Variants in VPS13B observed in about 807,000 individuals in gnomAD.
VPS13B encodes the protein vacuolar protein sorting 13 homolog B, also known as intermembrane lipid transfer protein VPS13B.
A neutral mutation model predicts 426.4 loss-of-function variants in VPS13B; 285 were observed. The ratio of observed to expected loss-of-function variants is 0.67; its 90% CI spans 0.61 to 0.74. The LOEUF is 0.74. Ranked by LOEUF, VPS13B falls within the 30% of genes least tolerant of loss-of-function variation. The pLI is 0.00. For synonymous variants in VPS13B, 1,676 were observed against 1,676.4 expected (o/e 1.00, Z 0.01); for missense variants, 4,537 against 4,782.6 (o/e 0.95, Z 1.51).
chr8:99,468,478 A>G (rs1022208984), intron 24 of VPS13B, among the ~76,000 whole-genome samples: 13 of 151,032 alleles, frequency 8.6e-5, no homozygotes, highest in Admixed American at 5.9e-4. Flanking sequence ...AAATTTAAAT[A>G]TTATTTTTTA....
At chr8:99,461,194 C>T (rs1238420226) in intron 23 of VPS13B, among the ~76,000 whole-genome samples, 1 of 151,892 alleles carries the variant, frequency 6.6e-6, no homozygotes, top group Non-Finnish European at 1.5e-5. Flanking sequence ...GAAATGATTG[C>T]ATTTCACTAT....
At chr8:99,503,173 TTACAC>T (rs1390882966) in intron 27 of VPS13B, among the ~76,000 whole-genome samples, 1 of 152,218 alleles carries the variant, frequency 6.6e-6, no homozygotes, top group Admixed American at 6.5e-5. Context: ...AAAGTTGTGT[TTACAC>T]TATACTGCAG....
At position 99,374,319 on chromosome 8, in the gene VPS13B, G is replaced by A. The variant is rs143106667; in HGVS notation, c.2825-9889G>A. Among the ~76,000 whole-genome samples the A allele has an allele frequency of 4.3e-3, 652 of 151,312 alleles. 8 individuals are homozygous for A. Among genetic ancestry groups the A allele is most frequent in the African/African-American group, 0.015 (606 of 41,312 alleles). ...TTGATATATGTCAGTTTGGGAAATC[G>A]TTTTTCACCTCTGATATTATATTTT... On this transcript the variant is annotated intron_variant, in intron 19 of 61. Coordinates refer to ENST00000357162, the MANE Select transcript of VPS13B (RefSeq NM_152564.5).
Position 99,587,649 on chromosome 8 carries a change from C to T in VPS13B, c.5220+10016C>T, listed in dbSNP as rs1320253320. Among the ~76,000 whole-genome samples, 4 of 151,660 alleles carry T rather than the reference C, an allele frequency of 2.6e-5. 1 individual carries two copies. Among genetic ancestry groups the T allele is most frequent in the African/African-American group, 9.8e-5 (4 of 40,950 alleles). ...TTAAAGTGTCTATTCATATCCTTTG[C>T]CCACTTTTTGATGTGGTTGTTTGAT... On this transcript the variant is annotated intron_variant, in intron 33 of 61. Transcript: ENST00000357162.
intron 30 of VPS13B, among the ~76,000 whole-genome samples, chr8:99,544,115 A>G (rs1481780991): frequency 6.6e-6 from 1 of 151,470 alleles, no homozygotes; most frequent in Non-Finnish European, 1.5e-5. Flanking sequence ...CATATACACC[A>G]TGGAATACTA....
intron 27 of VPS13B, among the ~76,000 whole-genome samples, chr8:99,506,148 A>G (rs1237110635): frequency 6.6e-6 from 1 of 152,202 alleles, no homozygotes; most frequent in Non-Finnish European, 1.5e-5. Flanking sequence ...CAATACAATC[A>G]TTGGTATAGA....
intron 32 of VPS13B, 40 bp downstream of exon 32, chr8:99,575,824 G>T: frequency 6.3e-7 from 1 of 1,594,706 alleles, no homozygotes; most frequent in South Asian, 1.1e-5. Flanking sequence ...TCTAAATAAT[G>T]GAATTGCTCC....
At chr8:99,872,020 G>C (rs1032387029) in intron 61 of VPS13B, among the ~76,000 whole-genome samples, 6 of 152,342 alleles carry the variant, frequency 3.9e-5, no homozygotes, top group Admixed American at 3.3e-4. Context: ...TGGGGTGCTC[G>C]ATGGACAGGA....
At chr8:99,625,729 G>A (rs563240838) in intron 33 of VPS13B, among the ~76,000 whole-genome samples, 1 of 150,630 alleles carries the variant, frequency 6.6e-6, no homozygotes, top group Non-Finnish European at 1.5e-5. Context: ...GCCTATAGTC[G>A]CAGCTACCTG....
intron 32 of VPS13B, among the ~76,000 whole-genome samples, chr8:99,576,369 C>T (rs530374143): frequency 6.6e-6 from 1 of 150,998 alleles, no homozygotes; most frequent in Non-Finnish European, 1.5e-5. Flanking sequence ...GGTAATGTTA[C>T]GGTGACTATT....
chr8:99,439,462 G>C (rs1817572138), intron 22 of VPS13B, among the ~76,000 whole-genome samples: 2 of 152,018 alleles, frequency 1.3e-5, no homozygotes, highest in African/African-American at 2.4e-5. Context: ...AGATATTAGA[G>C]AGTACATGAA....
chr8:99,441,461 A>G (rs1288714562), intron 22 of VPS13B, among the ~76,000 whole-genome samples: 2 of 152,120 alleles, frequency 1.3e-5, no homozygotes, highest in African/African-American at 4.8e-5. Flanking sequence ...CAGATAACAT[A>G]TTTTTATGTG....
chr8:99,772,705 A>G (rs535808307), intron 40 of VPS13B, among the ~76,000 whole-genome samples: 1 of 152,240 alleles, frequency 6.6e-6, no homozygotes, highest in Non-Finnish European at 1.5e-5. Flanking sequence ...TTATATGTGT[A>G]TACTGGATTA....
chr8:99,034,626 G>A (rs189163062), intron 2 of VPS13B, among the ~76,000 whole-genome samples: 1 of 152,108 alleles, frequency 6.6e-6, no homozygotes, highest in Admixed American at 6.5e-5. Context: ...TGAGACCCTG[G>A]CAAGACCCTG....
intron 56 of VPS13B, among the ~76,000 whole-genome samples, chr8:99,858,835 G>C (rs1251706611): frequency 6.6e-6 from 1 of 152,178 alleles, no homozygotes; most frequent in African/African-American, 2.4e-5. Flanking sequence ...CTCCATTCTT[G>C]TCAGAAGTTT....
intron 19 of VPS13B, among the ~76,000 whole-genome samples, chr8:99,371,935 T>C (rs1296252874): frequency 1.3e-5 from 2 of 151,940 alleles, no homozygotes; most frequent in East Asian, 3.9e-4. Context: ...ACCTAGGCAA[T>C]ACCATTCAGG....
chr8:99,264,980 T>C (rs1002691556), intron 17 of VPS13B, among the ~76,000 whole-genome samples: 3 of 152,158 alleles, frequency 2.0e-5, no homozygotes, highest in Non-Finnish European at 4.4e-5. Context: ...CCAATCTATT[T>C]ATTAATTTAA....
chr8:99,139,630 G>T (rs1262806430), intron 12 of VPS13B, among the ~76,000 whole-genome samples: 1 of 151,622 alleles, frequency 6.6e-6, no homozygotes, highest in African/African-American at 2.4e-5. Context: ...ATAGAGACAG[G>T]GTTTCACCAT....
chr8:99,233,860 C>T, intron 17 of VPS13B: 1 of 779,918 alleles, frequency 1.3e-6, no homozygotes, highest in Non-Finnish European at 2.4e-6. Context: ...CCTCTTTCTG[C>T]ATGCTTTCAA....
Sources: allele counts gnomAD v4.1 joint callset (sites outside exome capture counted in the v4.1 genomes callset), GRCh38; gene constraint gnomAD v4.1.1; transcripts MANE v1.5; gene names NCBI Gene and HGNC (gene_info 2026-07-23, HGNC 2026-07-21).